The following TIAM1 variants were observed in gnomAD, a reference collection of about 807,000 sequenced individuals.
TIAM1 encodes the protein TIAM Rac1 associated GEF 1, also known as rho guanine nucleotide exchange factor TIAM1.
Under a neutral mutation model 163.5 loss-of-function variants are expected in TIAM1, and 65 were observed. That is an observed-to-expected ratio of 0.40 (90% CI 0.33 to 0.49). The LOEUF is 0.49. Ranked by LOEUF, TIAM1 falls within the 20% of genes least tolerant of loss-of-function variation. TIAM1 has a pLI of 0.77. For missense variants in TIAM1, 1,789 were observed against 2,044.7 expected (o/e 0.87, Z 2.41); for synonymous variants, 833 against 810.1 (o/e 1.03, Z -0.48).
intron 2 of TIAM1, among the ~76,000 whole-genome samples, chr21:31,295,489 A>AAAAAAAG (rs2074221736): frequency 1.3e-5 from 2 of 148,600 alleles, no homozygotes; most frequent in African/African-American, 5.0e-5. Context: ...AAAAAAAAAA[A>AAAAAAAG]GGTCTTAAAG....
At chr21:31,224,391 C>A (rs1340047672) in intron 7 of TIAM1, among the ~76,000 whole-genome samples, 1 of 152,168 alleles carries the variant, frequency 6.6e-6, no homozygotes, top group East Asian at 1.9e-4. Context: ...ATGGTGTATA[C>A]GTACAACCAG....
chr21:31,239,084 T>C (rs1289794664), intron 6 of TIAM1, among the ~76,000 whole-genome samples: 1 of 152,170 alleles, frequency 6.6e-6, no homozygotes, highest in Non-Finnish European at 1.5e-5. Flanking sequence ...TTTGCAAGAT[T>C]TCCAATTAAC....
chr21:31,484,569 T>A (rs2046212800), intron 1 of TIAM1, among the ~76,000 whole-genome samples: 1 of 152,220 alleles, frequency 6.6e-6, no homozygotes, highest in South Asian at 2.1e-4. Context: ...AGCAAACTAC[T>A]ATGGGTTTCA....
intron 16 of TIAM1, among the ~76,000 whole-genome samples, chr21:31,164,248 G>A (rs2084088306): frequency 6.6e-6 from 1 of 152,152 alleles, no homozygotes; most frequent in South Asian, 2.1e-4. Flanking sequence ...AAATTAGCAG[G>A]GCGTGGTGGC....
At chr21:31,307,157 C>A (rs967056482) in intron 2 of TIAM1, among the ~76,000 whole-genome samples, 2 of 152,174 alleles carry the variant, frequency 1.3e-5, no homozygotes, top group African/African-American at 4.8e-5. Flanking sequence ...CAAATTACCA[C>A]ATCACTTATT....
At chr21:31,281,661 T>C (rs1329949073) in intron 2 of TIAM1, among the ~76,000 whole-genome samples, 1 of 152,044 alleles carries the variant, frequency 6.6e-6, no homozygotes, top group Non-Finnish European at 1.5e-5. Context: ...GGTAGATGGG[T>C]AGATGAATGG....
At chr21:31,124,239 C>A in intron 27 of TIAM1, 1 of 331,688 alleles carries the variant, frequency 3.0e-6, no homozygotes, top group Non-Finnish European at 5.4e-6. Context: ...GTGTCTGCAA[C>A]CCGACTTGGC....
intron 1 of TIAM1, among the ~76,000 whole-genome samples, chr21:31,505,822 C>G (rs1458127009): frequency 6.6e-6 from 1 of 151,738 alleles, no homozygotes; most frequent in Admixed American, 6.6e-5. Flanking sequence ...ATGGCCAACA[C>G]AGTGAATGAA....
rs540818193 is a variant in TIAM1 at position 31,512,163 on chromosome 21, C to T, written c.-422+46764G>A. On this transcript the variant is annotated intron_variant, in intron 1 of 28. Transcript: ENST00000286827. ...CCAGGCTGGAGTACAGTGGTACAAT[C>T]TTGGCTCACTGCAGCCTTGACCTCC... Among the ~76,000 whole-genome samples, 229 of 152,210 alleles carry T rather than the reference C, an allele frequency of 1.5e-3. 1 individual carries two copies. Among genetic ancestry groups the T allele is most frequent in the Middle Eastern group, 3.4e-3 (1 of 294 alleles).
chr21:31,147,082 A>C (rs1601285668), intron 19 of TIAM1, 79 bp from the exon 20 acceptor site: 221 of 1,207,590 alleles, frequency 1.8e-4, no homozygotes, highest in Non-Finnish European at 2.4e-4. Context: ...CAGGGAGCTC[A>C]CATCTGCCTG....
intron 1 of TIAM1, among the ~76,000 whole-genome samples, chr21:31,494,841 C>CA (rs5843521): frequency 0.36 from 54,651 of 151,250 alleles, 10,138 homozygotes; most frequent in Non-Finnish European, 0.4. Context: ...GACTCTGTCT[C>CA]AAAAAAAAGG....
intron 10 of TIAM1, 52 bp downstream of exon 10, chr21:31,213,346 T>C (rs892918785): frequency 6.7e-7 from 1 of 1,483,598 alleles, no homozygotes; most frequent in Non-Finnish European, 9.3e-7. Context: ...ACCATGTATA[T>C]GTTGATGCAC....
Position 31,210,714 on chromosome 21 carries a change from A to AAGG in TIAM1, c.2218-500_2218-499insCCT, listed in dbSNP as rs1569033694. Among the ~76,000 whole-genome samples the AAGG allele has an allele frequency of 2.9e-4, 34 of 115,584 alleles. 1 individual carries two copies. Among genetic ancestry groups the AAGG allele is most frequent in the East Asian group, 1.6e-3 (6 of 3,746 alleles). The allele number at this position is 115,584 out of a possible 152,430, so 75.8% of individuals were successfully genotyped here. A position where few individuals can be genotyped will look rare whatever the true frequency, so the allele number is the denominator to read the frequency against. ...GAAAGAAAGAAAGAAAGAGAAAGAA[A>AAGG]GAGAAAGAAAGAAAGAGAAAGAAGG... On this transcript the variant is annotated intron_variant, in intron 10 of 27. Transcript: ENST00000541036.
At chr21:31,358,367 A>G (rs1030475482) in intron 2 of TIAM1, among the ~76,000 whole-genome samples, 8 of 152,028 alleles carry the variant, frequency 5.3e-5, no homozygotes, top group African/African-American at 1.7e-4. Flanking sequence ...GGAGAAATCA[A>G]CCTACAACTC....
At chr21:31,430,235 T>TAC (rs1252878843) in intron 2 of TIAM1, among the ~76,000 whole-genome samples, 3 of 130,032 alleles carry the variant, frequency 2.3e-5, no homozygotes, top group African/African-American at 1.0e-4. Flanking sequence ...AATATATATA[T>TAC]ATATATATAT....
intron 2 of TIAM1, among the ~76,000 whole-genome samples, chr21:31,388,072 T>C (rs1326573166): frequency 6.6e-6 from 1 of 151,888 alleles, no homozygotes; most frequent in Non-Finnish European, 1.5e-5. Flanking sequence ...AATTATAGGT[T>C]TCCTGAGGCC....
At chr21:31,263,181 G>A (rs962551638) in intron 4 of TIAM1, among the ~76,000 whole-genome samples, 6 of 151,458 alleles carry the variant, frequency 4.0e-5, no homozygotes, top group Admixed American at 2.0e-4. Flanking sequence ...TAATACTTCC[G>A]TGCATTTTAT....
intron 2 of TIAM1, among the ~76,000 whole-genome samples, chr21:31,283,494 C>A (rs890060604): frequency 1.3e-5 from 2 of 152,102 alleles, no homozygotes; most frequent in Admixed American, 1.3e-4. Flanking sequence ...ATCCAAGCAG[C>A]ATCTCTTTTC....
At chr21:31,464,653 G>A in intron 1 of TIAM1, among the ~76,000 whole-genome samples, 1 of 151,572 alleles carries the variant, frequency 6.6e-6, no homozygotes, top group African/African-American at 2.4e-5. Context: ...GACCAGCCTG[G>A]CCAACATGGT....
Sources: allele counts gnomAD v4.1 joint callset (sites outside exome capture counted in the v4.1 genomes callset), GRCh38; gene constraint gnomAD v4.1.1; transcripts MANE v1.5; gene names NCBI Gene and HGNC (gene_info 2026-07-23, HGNC 2026-07-21).